The following CCDC171 variants were observed in gnomAD, a reference collection of about 807,000 sequenced individuals.
CCDC171 encodes coiled-coil domain containing 171, also known as coiled-coil domain-containing protein 171.
Under a neutral mutation model 168.2 loss-of-function variants are expected in CCDC171, and 177 were observed. The observed-to-expected ratio is 1.05, with a 90% CI of 0.93 to 1.19. The LOEUF is 1.19. Ranked by LOEUF, CCDC171 falls within the 50% of genes most tolerant of loss-of-function variation. CCDC171 has a pLI of 0.00. For missense variants in CCDC171, 1,991 were observed against 1,539.0 expected (o/e 1.29, Z -4.91); for synonymous variants, 687 against 540.8 (o/e 1.27, Z -3.75).
the CCDC171 span, among the ~76,000 whole-genome samples, chr9:16,082,676 C>T: frequency 1.3e-5 from 2 of 152,180 alleles, no homozygotes; most frequent in African/African-American, 2.4e-5. Context: ...TCTAAGTACA[C>T]GCATGCGTGA....
chr9:15,778,732 A>G (rs1221533721), intron 19 of CCDC171, among the ~76,000 whole-genome samples: 1 of 151,956 alleles, frequency 6.6e-6, no homozygotes, highest in African/African-American at 2.4e-5. Flanking sequence ...TATGAGACCT[A>G]AACAGCTGTC....
chr9:15,601,220 C>T (rs1471773891), intron 6 of CCDC171, among the ~76,000 whole-genome samples: 3 of 152,216 alleles, frequency 2.0e-5, no homozygotes, highest in South Asian at 4.1e-4. Flanking sequence ...TCGTCTTTTG[C>T]ATCGCTCTTG....
At chr9:15,679,301 C>G (rs756218395) in intron 10 of CCDC171, among the ~76,000 whole-genome samples, 2 of 152,124 alleles carry the variant, frequency 1.3e-5, no homozygotes, top group Non-Finnish European at 2.9e-5. Flanking sequence ...AGTAATCTAG[C>G]TTTTACACCA....
At chr9:15,744,176 T>C in intron 16 of CCDC171, 97 bp from the exon 17 acceptor site, 1 of 935,002 alleles carries the variant, frequency 1.1e-6, no homozygotes, top group Non-Finnish European at 1.6e-6. Context: ...GAGGAAGAAG[T>C]GGTTGTCAGC....
At chr9:15,638,937 G>A (rs2046395107) in intron 7 of CCDC171, among the ~76,000 whole-genome samples, 1 of 151,984 alleles carries the variant, frequency 6.6e-6, no homozygotes, top group South Asian at 2.1e-4. Context: ...AAAGAGAAAA[G>A]AGAAGATGCA....
chr9:15,995,487 T>C (rs2132929408), intron 3 of CCDC171, among the ~76,000 whole-genome samples: 1 of 152,334 alleles, frequency 6.6e-6, no homozygotes, highest in Non-Finnish European at 1.5e-5. Flanking sequence ...AGTTTACACT[T>C]AGGTGTGCCT....
intron 21 of CCDC171, among the ~76,000 whole-genome samples, chr9:15,814,698 A>G (rs781738750): frequency 6.6e-6 from 1 of 152,048 alleles, no homozygotes; most frequent in Non-Finnish European, 1.5e-5. Flanking sequence ...AGAAAATTTA[A>G]AAATATTTTT....
At chr9:16,021,341 C>G (rs1467931780) in intron 4 of CCDC171, among the ~76,000 whole-genome samples, 1 of 152,218 alleles carries the variant, frequency 6.6e-6, no homozygotes, top group Admixed American at 6.5e-5. Flanking sequence ...CTACCTTGGC[C>G]TCCCAAAGTG....
chr9:15,991,532 G>C (rs1452558000), intron 3 of CCDC171, among the ~76,000 whole-genome samples: 4 of 151,700 alleles, frequency 2.6e-5, no homozygotes, highest in African/African-American at 7.3e-5. Flanking sequence ...AGAGAAGCAA[G>C]AGCAAACACA....
chr9:15,753,037 C>A (rs2055863428), intron 18 of CCDC171, among the ~76,000 whole-genome samples: 1 of 151,616 alleles, frequency 6.6e-6, no homozygotes, highest in South Asian at 2.1e-4. Context: ...TGTATATATT[C>A]TAGGAGATAA....
chr9:15,857,570 A>T (rs1400835927), intron 23 of CCDC171, among the ~76,000 whole-genome samples: 1 of 151,800 alleles, frequency 6.6e-6, no homozygotes, highest in African/African-American at 2.4e-5. Context: ...CTACAGTAAT[A>T]CACCACCATG....
chr9:15,778,670 T>C (rs2057485161), intron 19 of CCDC171, among the ~76,000 whole-genome samples: 1 of 107,190 alleles, frequency 9.3e-6, no homozygotes, highest in Non-Finnish European at 2.1e-5. Context: ...AAAAAAGGCA[T>C]GACATTAGTG....
At chr9:15,845,515 G>T (rs2060856722) in intron 21 of CCDC171, 1 of 152,042 alleles carries the variant, frequency 6.6e-6, no homozygotes, top group South Asian at 2.1e-4. Flanking sequence ...GGTTTAACAT[G>T]TATGCAGCTT....
intron 3 of CCDC171, among the ~76,000 whole-genome samples, chr9:15,578,242 A>C (rs565977605): frequency 4.3e-3 from 607 of 140,064 alleles, no homozygotes; most frequent in Admixed American, 7.4e-3. Flanking sequence ...TCTTTTCTTT[A>C]TTTTTTTTTT....
At chr9:15,681,041 G>A (rs2050008146) in intron 10 of CCDC171, among the ~76,000 whole-genome samples, 1 of 151,944 alleles carries the variant, frequency 6.6e-6, no homozygotes, top group Admixed American at 6.6e-5. Flanking sequence ...ATTTTACTTG[G>A]TACCAACAGA....
At chr9:15,657,351 T>C (rs2048016167) in intron 8 of CCDC171, 132 bp downstream of exon 8, 1 of 579,554 alleles carries the variant, frequency 1.7e-6, no homozygotes, top group Non-Finnish European at 3.2e-6. Context: ...ACACTCATTA[T>C]TGTATATAAG....
At chr9:15,567,846 A>G (rs1030839728) in intron 2 of CCDC171, among the ~76,000 whole-genome samples, 2 of 151,554 alleles carry the variant, frequency 1.3e-5, no homozygotes, top group Non-Finnish European at 2.9e-5. Flanking sequence ...TAGAGACAAG[A>G]TCTTGCTATG....
intron 2 of CCDC171, among the ~76,000 whole-genome samples, chr9:15,570,511 T>G (rs2040140526): frequency 6.6e-6 from 1 of 152,212 alleles, no homozygotes; most frequent in South Asian, 2.1e-4. Context: ...TTTTGGTGAT[T>G]GTTGGCTGTC....
intron 7 of CCDC171, among the ~76,000 whole-genome samples, chr9:15,656,447 A>G (rs1182473970): frequency 6.6e-6 from 1 of 152,272 alleles, no homozygotes; most frequent in East Asian, 1.9e-4. Context: ...TGCTCATAGC[A>G]GCTTTATTTG....
Sources: allele counts gnomAD v4.1 joint callset (sites outside exome capture counted in the v4.1 genomes callset), GRCh38; gene constraint gnomAD v4.1.1; transcripts MANE v1.5; gene names NCBI Gene and HGNC (gene_info 2026-07-23, HGNC 2026-07-21).